Variants in KCTD20 observed in about 807,000 individuals in gnomAD.
The protein encoded by KCTD20 is BTB/POZ domain-containing protein KCTD20.
Under a neutral mutation model 39.6 loss-of-function variants are expected in KCTD20, and 30 were observed. The ratio of observed to expected loss-of-function variants is 0.76; its 90% CI spans 0.57 to 1.03. KCTD20 has a LOEUF of 1.03. Among genes scored for constraint, KCTD20 ranks in the 50% least tolerant of loss-of-function variants. The pLI is 0.00. For synonymous variants in KCTD20, 162 were observed against 180.6 expected (o/e 0.90, Z 0.83); for missense variants, 422 against 522.0 (o/e 0.81, Z 1.87).
chr6:36,453,639 C>G (rs1775338109), intron 1 of KCTD20, among the ~76,000 whole-genome samples: 1 of 151,830 alleles, frequency 6.6e-6, no homozygotes, highest in Non-Finnish European at 1.5e-5. Context: ...CTCAGCCTCC[C>G]CAGTAGCTGG....
Position 36,487,237 on chromosome 6 carries a change from C to A in KCTD20, c.*62C>A. ...TCACCTGGGATGCCTGCAGCCAGCC[C>A]TCCCTCGTGATTTGTCTCACCTTGA... On this transcript the variant is annotated 3_prime_UTR_variant, in exon 8 of 8. Coordinates refer to ENST00000373731, the MANE Select transcript of KCTD20 (RefSeq NM_173562.5). The A allele has an allele frequency of 2.6e-6, 4 of 1,525,846 alleles. No homozygotes were observed. In the South Asian group the frequency reaches 3.7e-5, roughly 14 times the overall value. The allele number at this position is 1,525,846 out of a possible 1,614,324, so 94.5% of individuals were successfully genotyped here.
At chr6:36,482,740 G>A (rs948678280) in intron 6 of KCTD20, among the ~76,000 whole-genome samples, 13 of 152,070 alleles carry the variant, frequency 8.5e-5, no homozygotes, top group African/African-American at 3.1e-4. Context: ...GAGGTCAAGA[G>A]TTCGAGACCA....
At chr6:36,467,780 TAGGG>T (rs1466677951) in intron 1 of KCTD20, among the ~76,000 whole-genome samples, 2 of 152,150 alleles carry the variant, frequency 1.3e-5, no homozygotes, top group Non-Finnish European at 2.9e-5. Context: ...TAAATATTGA[TAGGG>T]AGGAGAGTAA....
chr6:36,457,459 A>G (rs749225295), intron 1 of KCTD20, among the ~76,000 whole-genome samples: 7 of 152,138 alleles, frequency 4.6e-5, no homozygotes, highest in South Asian at 2.1e-4. Context: ...TATAATTCCA[A>G]TGCTTTGGGA....
At position 36,464,675 on chromosome 6, in the gene KCTD20, A is replaced by T. The variant is rs535007493; in HGVS notation, c.-46-5377A>T. ...ATTCTGGGTGTCACCAGAGAGCATT[A>T]TGTGCAGCAAAACAGAAAACCTGCT... On this transcript the variant is annotated intron_variant, in intron 1 of 7. Transcript: ENST00000373731. Among the ~76,000 whole-genome samples, 4 of 152,218 alleles carry T rather than the reference A, an allele frequency of 2.6e-5. No homozygotes were observed. The South Asian group carries it at 6.2e-4, about 24-fold the overall frequency.
At chr6:36,445,650 A>T (rs1420896212) in intron 1 of KCTD20, among the ~76,000 whole-genome samples, 2 of 152,194 alleles carry the variant, frequency 1.3e-5, no homozygotes, top group Non-Finnish European at 2.9e-5. Flanking sequence ...TTAGAGATAT[A>T]AAGGAGCTTA....
At chr6:36,482,670 G>A (rs897770166) in intron 6 of KCTD20, among the ~76,000 whole-genome samples, 4 of 152,076 alleles carry the variant, frequency 2.6e-5, no homozygotes, top group African/African-American at 4.8e-5. Context: ...TATTGGCCAG[G>A]CGCAGTGGCT....
At chr6:36,460,726 C>T (rs1264710111) in intron 1 of KCTD20, among the ~76,000 whole-genome samples, 1 of 152,122 alleles carries the variant, frequency 6.6e-6, no homozygotes, top group Non-Finnish European at 1.5e-5. Flanking sequence ...TGCCCATTAT[C>T]AGCACAGGAA....
chr6:36,445,658 T>C (rs1775019274), intron 1 of KCTD20, among the ~76,000 whole-genome samples: 1 of 152,176 alleles, frequency 6.6e-6, no homozygotes, highest in Non-Finnish European at 1.5e-5. Flanking sequence ...ATAAAGGAGC[T>C]TATTACAAAT....
chr6:36,461,052 T>C (rs1775587682), intron 1 of KCTD20, among the ~76,000 whole-genome samples: 1 of 152,182 alleles, frequency 6.6e-6, no homozygotes, highest in African/African-American at 2.4e-5. Context: ...GTGCATGATA[T>C]GTGTTAAATC....
chr6:36,472,982 C>A (rs925168784), intron 2 of KCTD20, among the ~76,000 whole-genome samples: 7 of 151,610 alleles, frequency 4.6e-5, no homozygotes, highest in East Asian at 1.9e-4. Flanking sequence ...CTTGCTGCAA[C>A]CTCCACCTCC....
chr6:36,447,638 AAAG>A (rs1775087471), intron 1 of KCTD20, among the ~76,000 whole-genome samples: 1 of 152,046 alleles, frequency 6.6e-6, no homozygotes. Flanking sequence ...TCAAAAAAAA[AAAG>A]AAAAAAATAT....
chr6:36,476,877 C>A (rs569981253), intron 3 of KCTD20, among the ~76,000 whole-genome samples: 4 of 152,204 alleles, frequency 2.6e-5, no homozygotes, highest in South Asian at 4.2e-4. Flanking sequence ...TGGGTATTAC[C>A]ATCATTCCCA....
intron 1 of KCTD20, among the ~76,000 whole-genome samples, chr6:36,457,000 G>C (rs145754586): frequency 2.9e-4 from 44 of 152,222 alleles, no homozygotes; most frequent in African/African-American, 1.0e-3. Context: ...ACGGGGTTTT[G>C]CCATGTGGCC....
intron 1 of KCTD20, among the ~76,000 whole-genome samples, chr6:36,463,972 AT>A (rs1696207434): frequency 6.6e-6 from 1 of 152,240 alleles, no homozygotes; most frequent in Admixed American, 6.5e-5. Flanking sequence ...TGTTTTACAT[AT>A]TCAGGAAATA....
chr6:36,487,253 C>A lies in KCTD20; in HGVS notation c.*78C>A. The A allele has an allele frequency of 6.9e-7, 1 of 1,446,470 alleles. No individual in the cohort carries two copies. Among genetic ancestry groups the A allele is most frequent in the Non-Finnish European group, 9.5e-7 (1 of 1,058,114 alleles). 89.6% of individuals were successfully genotyped at this position (1,446,470 alleles called of 1,614,324 possible). A position where few individuals can be genotyped will look rare whatever the true frequency, so the allele number is the denominator to read the frequency against. ...CAGCCAGCCCTCCCTCGTGATTTGT[C>A]TCACCTTGAGTAGGAGACATGCTTC... On this transcript the variant is annotated 3_prime_UTR_variant, in exon 8 of 8. Coordinates refer to ENST00000373731, the MANE Select transcript of KCTD20 (RefSeq NM_173562.5).
At chr6:36,470,351 A>G (rs774922102) in intron 2 of KCTD20, 94 bp downstream of exon 2, 201 of 1,166,290 alleles carry the variant, frequency 1.7e-4, no homozygotes, top group Non-Finnish European at 2.3e-4. Context: ...AATCTAAATA[A>G]ATTATCCAAT....
chr6:36,459,227 G>A (rs1221619016), intron 1 of KCTD20, among the ~76,000 whole-genome samples: 3 of 152,082 alleles, frequency 2.0e-5, no homozygotes, highest in Non-Finnish European at 4.4e-5. Flanking sequence ...CAGGAGAATC[G>A]CTTGAACTCG....
chr6:36,484,780 T>C lies in KCTD20; in HGVS notation c.923T>C (p.Val308Ala), dbSNP rs752583213. Residue 308 changes from valine to alanine, a missense_variant, in exon 7 of 8, where the codon GTG becomes GCG. Coordinates refer to ENST00000373731, the MANE Select transcript of KCTD20 (RefSeq NM_173562.5). ...GAGAATAGGGATGTTGCAAAAACAG[T>C]GTTAAAGGAACGGGGCCTAAAAAAC... Reference protein sequence around the residue: ...YIENRDVAKTVLKERGLKNIR... With the variant: ...YIENRDVAKTALKERGLKNIR... 7.5e-6 allele frequency: 12 copies of C among 1,608,206 alleles called. No homozygotes were observed. Among genetic ancestry groups the C allele is most frequent in the South Asian group, 1.1e-5 (1 of 90,476 alleles).
Sources: gnomAD v4.1 joint callset for allele counts (sites outside exome capture counted in the v4.1 genomes callset) on GRCh38, gnomAD v4.1.1 for gene constraint, MANE v1.5 for transcripts, NCBI Gene and HGNC (gene_info 2026-07-23, HGNC 2026-07-21) for gene names.